The following APBA2 variants were observed in gnomAD, a reference collection of about 807,000 sequenced individuals.
APBA2 encodes the protein amyloid beta precursor protein binding family A member 2.
In APBA2, 30 loss-of-function variants were observed where a neutral mutation model predicts 75.0. The ratio of observed to expected loss-of-function variants is 0.40; its 90% CI spans 0.30 to 0.54. The LOEUF is 0.54. Ranked by LOEUF, APBA2 falls within the 20% of genes least tolerant of loss-of-function variation. The probability of loss-of-function intolerance (pLI) is 0.49; values close to 1 mark genes in which losing one functional copy is unlikely to be tolerated. For missense variants in APBA2, 801 were observed against 1,016.1 expected, an observed-to-expected ratio of 0.79 and a Z score of 2.88; for synonymous variants, 444 against 409.6, an observed-to-expected ratio of 1.08 and a Z score of -1.01.
intron 2 of APBA2, among the ~76,000 whole-genome samples, chr15:28,952,318 C>T (rs894780243): frequency 6.6e-6 from 1 of 151,954 alleles, no homozygotes; most frequent in Non-Finnish European, 1.5e-5. Flanking sequence ...TTGCTTGAGC[C>T]CAGGAGTTCA....
intron 1 of APBA2, among the ~76,000 whole-genome samples, chr15:28,900,968 C>T (rs890358687): frequency 6.6e-6 from 1 of 152,214 alleles, no homozygotes; most frequent in East Asian, 1.9e-4. Flanking sequence ...GCACCTGGCA[C>T]AGCACCTGGA....
Position 29,093,087 on chromosome 15 carries a change from G to A in APBA2, c.1082G>A (p.Cys361Tyr), listed in dbSNP as rs762436233. 25 of 1,614,128 alleles carry A rather than the reference G, an allele frequency of 1.5e-5. No individual in the cohort carries two copies. The highest frequency in any genetic ancestry group is 1.9e-5 in the Non-Finnish European group (23 of 1,180,064). ...TGCCCTCCTTCAGTTCCAGGGCCCT[G>A]CGAACCAGAAGACCTCATCGACGGG... is the stretch of plus-strand genomic sequence containing the variant. Reference protein sequence around the residue: ...FPSFVAVPGPCEPEDLIDGII... With the variant: ...FPSFVAVPGPYEPEDLIDGII... The change falls in exon 7 of 15, where the codon TGC becomes TAC. Residue 361 changes from cysteine to tyrosine, a missense_variant. Coordinates refer to ENST00000683413, the MANE Select transcript of APBA2 (RefSeq NM_001353788.2).
At chr15:28,901,945 TTGG>T in intron 1 of APBA2, among the ~76,000 whole-genome samples, 3 of 140,846 alleles carry the variant, frequency 2.1e-5, no homozygotes, top group South Asian at 2.4e-4. Flanking sequence ...TGTGTGTATG[TTGG>T]GGGTCTGGGG....
chr15:29,111,344 A>C (rs563617216), intron 13 of APBA2, among the ~76,000 whole-genome samples: 1 of 152,128 alleles, frequency 6.6e-6, no homozygotes, highest in East Asian at 1.9e-4. Context: ...ATGGGGTCCC[A>C]CTTCCTTGAG....
chr15:28,916,260 TCTC>T (rs2033686483), intron 1 of APBA2, among the ~76,000 whole-genome samples: 1 of 152,124 alleles, frequency 6.6e-6, no homozygotes, highest in Admixed American at 6.5e-5. Flanking sequence ...GTTCGCCACC[TCTC>T]CTGATGCCCA....
intron 3 of APBA2, among the ~76,000 whole-genome samples, chr15:29,028,739 T>C (rs1002412911): frequency 3.3e-5 from 5 of 152,248 alleles, no homozygotes; most frequent in African/African-American, 1.2e-4. Flanking sequence ...GGTTTTGATT[T>C]GCATTTCTCT....
At chr15:29,056,282 G>A (rs1306546182) in intron 4 of APBA2, among the ~76,000 whole-genome samples, 1 of 152,126 alleles carries the variant, frequency 6.6e-6, no homozygotes, top group Admixed American at 6.6e-5. Context: ...AAATGAGTGG[G>A]AATGAATGGA....
At chr15:28,972,408 A>G (rs1238282942) in intron 2 of APBA2, among the ~76,000 whole-genome samples, 1 of 152,234 alleles carries the variant, frequency 6.6e-6, no homozygotes, top group East Asian at 1.9e-4. Flanking sequence ...CTCTAGGAAG[A>G]CTAAATTCTA....
chr15:29,092,180 C>T (rs80261415), intron 6 of APBA2, among the ~76,000 whole-genome samples: 2,624 of 152,146 alleles, frequency 0.017, 88 homozygotes, highest in African/African-American at 0.06. Context: ...TCAGGTACAA[C>T]GGTGAATAGT....
intron 13 of APBA2, chr15:29,108,650 T>G: frequency 1.7e-6 from 1 of 583,066 alleles, no homozygotes; most frequent in Non-Finnish European, 3.0e-6. Context: ...CCATGGTGGT[T>G]GTCCCCTGCT....
At chr15:29,087,137 C>T (rs2043323930) in intron 6 of APBA2, among the ~76,000 whole-genome samples, 1 of 152,166 alleles carries the variant, frequency 6.6e-6, no homozygotes, top group Non-Finnish European at 1.5e-5. Flanking sequence ...TGCAGAACTC[C>T]ACTGTGTGGA....
chr15:28,975,675 G>A (rs7162303), intron 2 of APBA2, among the ~76,000 whole-genome samples: 6 of 152,060 alleles, frequency 3.9e-5, no homozygotes, highest in Non-Finnish European at 8.8e-5. Flanking sequence ...AACTGCTTTC[G>A]CATGATGGGG....
At chr15:28,926,735 T>C (rs1311565322) in intron 2 of APBA2, among the ~76,000 whole-genome samples, 1 of 152,186 alleles carries the variant, frequency 6.6e-6, no homozygotes, top group Non-Finnish European at 1.5e-5. Context: ...CCCTTGGTTT[T>C]GTTTGCCTGA....
At chr15:29,109,057 T>TA (rs2044592432) in intron 13 of APBA2, among the ~76,000 whole-genome samples, 1 of 152,136 alleles carries the variant, frequency 6.6e-6, no homozygotes, top group Non-Finnish European at 1.5e-5. Context: ...ATGTGGCCAC[T>TA]AAGTGGAGTA....
chr15:29,074,182 T>C (rs1354869552), intron 4 of APBA2, among the ~76,000 whole-genome samples: 5 of 152,126 alleles, frequency 3.3e-5, no homozygotes. Context: ...TCAAGAGATA[T>C]TTGCACACCC....
chr15:28,929,741 C>A lies in APBA2; in HGVS notation c.-95+7992C>A, dbSNP rs77673993. ...GGACTTGGGTGCACATTGCAATAAA[C>A]CAATTTGCCCCCATTATCCATGTCT... On this transcript the variant is annotated intron_variant, in intron 2 of 14. Coordinates refer to ENST00000683413, the MANE Select transcript of APBA2 (RefSeq NM_001353788.2). Among the ~76,000 whole-genome samples the A allele has an allele frequency of 2.8e-4, 43 of 152,304 alleles. No individual in the cohort carries two copies. The East Asian group carries it at 8.3e-3, about 29-fold the overall frequency.
intron 1 of APBA2, among the ~76,000 whole-genome samples, chr15:28,898,024 G>A (rs1021878597): frequency 2.6e-5 from 4 of 152,172 alleles, no homozygotes; most frequent in African/African-American, 9.7e-5. Context: ...CCAAGGAGGC[G>A]GAAATTGGAG....
intron 4 of APBA2, among the ~76,000 whole-genome samples, chr15:29,067,064 T>TG (rs1171848958): frequency 6.6e-6 from 1 of 151,744 alleles, no homozygotes; most frequent in African/African-American, 2.4e-5. Context: ...GAGTGGGGGT[T>TG]GGAGGGGGAA....
chr15:28,897,617 C>CAAAAAAA (rs370287342), intron 1 of APBA2, among the ~76,000 whole-genome samples: 2 of 78,720 alleles, frequency 2.5e-5, no homozygotes, highest in African/African-American at 5.3e-5. Context: ...GATTCCGTCT[C>CAAAAAAA]AAAAAAAAAA....
Sources: allele counts gnomAD v4.1 joint callset (sites outside exome capture counted in the v4.1 genomes callset), GRCh38; gene constraint gnomAD v4.1.1; transcripts MANE v1.5; gene names NCBI Gene and HGNC (gene_info 2026-07-23, HGNC 2026-07-21).